The following PRDM5 variants were observed in gnomAD, a reference collection of about 807,000 sequenced individuals.
PRDM5 encodes the protein PR domain zinc finger protein 5.
A neutral mutation model predicts 81.2 loss-of-function variants in PRDM5; 56 were observed. The observed-to-expected ratio is 0.69, with a 90% CI of 0.56 to 0.86. PRDM5 has a LOEUF of 0.86. PRDM5 is among the 40% of genes least tolerant of loss of function. The probability of loss-of-function intolerance (pLI) is 0.00; values close to 1 mark genes in which losing one functional copy is unlikely to be tolerated. For synonymous variants in PRDM5, 267 were observed against 256.4 expected (o/e 1.04, Z -0.39); for missense variants, 697 against 770.1 (o/e 0.91, Z 1.12).
intron 13 of PRDM5, among the ~76,000 whole-genome samples, chr4:120,766,609 G>C (rs374922138): frequency 1.3e-5 from 2 of 152,238 alleles, no homozygotes; most frequent in East Asian, 3.9e-4. Context: ...GTATGTTCAA[G>C]AGTAACAGCA....
intron 2 of PRDM5, among the ~76,000 whole-genome samples, chr4:120,877,498 G>A (rs908318769): frequency 2.0e-5 from 3 of 152,128 alleles, no homozygotes; most frequent in African/African-American, 4.8e-5. Context: ...GCTGCTAGAA[G>A]AATAATTTAT....
intron 3 of PRDM5, among the ~76,000 whole-genome samples, chr4:120,848,657 A>T (rs1354179442): frequency 1.3e-5 from 2 of 152,188 alleles, no homozygotes; most frequent in Non-Finnish European, 1.5e-5. Flanking sequence ...ATTAACACAG[A>T]TTTCAACTTT....
intron 3 of PRDM5, among the ~76,000 whole-genome samples, chr4:120,829,714 A>G (rs182180952): frequency 5.3e-5 from 8 of 152,224 alleles, no homozygotes; most frequent in Admixed American, 5.2e-4. Context: ...GAAATTGGCA[A>G]AGGTACAATT....
chr4:120,766,727 T>C (rs1746442680), intron 13 of PRDM5, among the ~76,000 whole-genome samples: 3 of 152,212 alleles, frequency 2.0e-5, no homozygotes, highest in Admixed American at 2.0e-4. Flanking sequence ...ATACAAGTTT[T>C]ATGACCTTAG....
At chr4:120,709,943 A>T (rs1217773155) in intron 15 of PRDM5, among the ~76,000 whole-genome samples, 1 of 152,188 alleles carries the variant, frequency 6.6e-6, no homozygotes, top group African/African-American at 2.4e-5. Context: ...TGACCAGTCA[A>T]ATCTCTGGTT....
chr4:120,917,863 C>T lies in PRDM5; in HGVS notation c.93+4653G>A, dbSNP rs201636044. ...GCATTTTATCAGAATAGAGAAAAAA[C>T]ATTTTTAAGGAAAAGTGTATATGGA... On this transcript the variant is annotated intron_variant, in intron 1 of 15. Transcript: ENST00000264808. 9.9e-5 allele frequency among the ~76,000 whole-genome samples: 15 copies of T among 152,064 alleles called. No individual in the cohort carries two copies. In the East Asian group the frequency reaches 2.9e-3, roughly 29 times the overall value.
intron 13 of PRDM5, among the ~76,000 whole-genome samples, chr4:120,775,587 A>C (rs963406958): frequency 3.3e-5 from 5 of 152,160 alleles, no homozygotes; most frequent in African/African-American, 1.2e-4. Context: ...TAACACAATT[A>C]CATCATGTCT....
chr4:120,823,168 C>T (rs1755514589), intron 3 of PRDM5, among the ~76,000 whole-genome samples: 1 of 152,040 alleles, frequency 6.6e-6, no homozygotes, highest in Admixed American at 6.6e-5. Flanking sequence ...GTTAATTGAA[C>T]CGTCATCCTA....
chr4:120,684,611 T>C (rs1350500194), downstream of PRDM5, among the ~76,000 whole-genome samples: 10 of 152,012 alleles, frequency 6.6e-5, no homozygotes, highest in Non-Finnish European at 1.3e-4. Context: ...GCACTTCTAA[T>C]TAATGCTCTC....
intron 3 of PRDM5, among the ~76,000 whole-genome samples, chr4:120,844,522 C>G (rs1758426052): frequency 6.6e-6 from 1 of 152,174 alleles, no homozygotes; most frequent in East Asian, 1.9e-4. Flanking sequence ...TTTGGTGTTA[C>G]TATTGTAATT....
At chr4:120,688,651 A>G (rs1733923993), downstream of PRDM5, among the ~76,000 whole-genome samples, 1 of 152,112 alleles carries the variant, frequency 6.6e-6, no homozygotes, top group Non-Finnish European at 1.5e-5. Flanking sequence ...TAATTTTTGT[A>G]TATGGTGTAA....
intron 13 of PRDM5, 81 bp from the exon 14 acceptor site, chr4:120,754,719 G>C: frequency 1.0e-6 from 1 of 985,180 alleles, no homozygotes; most frequent in East Asian, 2.4e-5. Context: ...CACACACTCA[G>C]ATCCTGGCCA....
chr4:120,815,502 A>G (rs1193735950), intron 7 of PRDM5, among the ~76,000 whole-genome samples: 3 of 152,252 alleles, frequency 2.0e-5, no homozygotes, highest in African/African-American at 7.2e-5. Context: ...GCTAGCCTCT[A>G]TAACTGTATT....
At chr4:120,860,953 T>A (rs926403042) in intron 2 of PRDM5, among the ~76,000 whole-genome samples, 4 of 152,300 alleles carry the variant, frequency 2.6e-5, no homozygotes, top group Non-Finnish European at 4.4e-5. Context: ...GTTGCCCAAT[T>A]TTTAATATAG....
chr4:120,811,535 C>A (rs1753834576), intron 7 of PRDM5, 86 bp from the exon 8 acceptor site: 1 of 787,716 alleles, frequency 1.3e-6, no homozygotes, highest in South Asian at 1.7e-5. Context: ...TATGTAAGTT[C>A]ATCTTCATAA....
chr4:120,880,626 T>C (rs1306578013), intron 2 of PRDM5, among the ~76,000 whole-genome samples: 1 of 152,126 alleles, frequency 6.6e-6, no homozygotes, highest in Non-Finnish European at 1.5e-5. Flanking sequence ...ACTCATATAC[T>C]ACATTTTCGT....
intron 2 of PRDM5, among the ~76,000 whole-genome samples, chr4:120,894,085 G>T (rs1333046554): frequency 6.6e-6 from 1 of 152,134 alleles, no homozygotes; most frequent in African/African-American, 2.4e-5. Context: ...ATATGACACA[G>T]TTGTCTTTCT....
At chr4:120,762,556 A>G (rs1578636956) in intron 13 of PRDM5, 1 of 152,188 alleles carries the variant, frequency 6.6e-6, no homozygotes, top group Admixed American at 6.6e-5. Flanking sequence ...TAAACCAAAA[A>G]TGTAATTGTG....
chr4:120,755,352 A>G (rs1744579933), intron 13 of PRDM5, among the ~76,000 whole-genome samples: 1 of 152,246 alleles, frequency 6.6e-6, no homozygotes, highest in African/African-American at 2.4e-5. Flanking sequence ...CCCTCTTGTC[A>G]AAGCCAAATC....
Sources: gnomAD v4.1 joint callset for allele counts (sites outside exome capture counted in the v4.1 genomes callset) on GRCh38, gnomAD v4.1.1 for gene constraint, MANE v1.5 for transcripts, NCBI Gene and HGNC (gene_info 2026-07-23, HGNC 2026-07-21) for gene names.